SLIT1: variants seen among roughly 807,000 people sequenced by gnomAD.
The protein encoded by SLIT1 is slit guidance ligand 1, also known as slit homolog 1 protein.
Under a neutral mutation model 186.1 loss-of-function variants are expected in SLIT1, and 66 were observed. The ratio of observed to expected loss-of-function variants is 0.35; its 90% confidence interval spans 0.29 to 0.44. The LOEUF (loss-of-function observed/expected upper bound fraction) is 0.44. SLIT1 is among the 20% of genes least tolerant of loss of function. The pLI, the probability that SLIT1 is intolerant of heterozygous loss-of-function variation, is 1.00. For synonymous variants in SLIT1, 761 were observed against 833.8 expected (o/e 0.91, Z 1.50); for missense variants, 1,638 against 2,037.4 (o/e 0.80, Z 3.77).
intron 17 of SLIT1, 21 bp from the exon 18 acceptor site, chr10:97,046,818 A>T (rs1455426380): frequency 2.5e-6 from 4 of 1,606,698 alleles, no homozygotes; most frequent in Non-Finnish European, 3.4e-6. Flanking sequence ...AGGCGGGGGG[A>T]GGATTACATA....
intron 30 of SLIT1, among the ~76,000 whole-genome samples, chr10:97,012,613 A>G (rs1317941574): frequency 6.6e-6 from 1 of 152,200 alleles, no homozygotes; most frequent in Non-Finnish European, 1.5e-5. Context: ...ATGCTGCCCA[A>G]TCTGCCACTG....
In SLIT1 at chr10:97,060,760, G is replaced by T. The variant is rs780559826; in HGVS notation, c.821C>A (p.Thr274Asn). 1 of 1,611,038 alleles carries T rather than the reference G, an allele frequency of 6.2e-7. No individual in the cohort carries two copies. The highest frequency in any genetic ancestry group is 1.7e-5 in the Admixed American group (1 of 59,734). The change falls in exon 9 of 37, where the codon ACC becomes AAC. Residue 274 changes from threonine (T) to asparagine (N), a missense_variant. This residue lies in a region of SLIT1 where 1,245 missense variants were observed against 1,535.3 expected (regional missense o/e 0.81). Coordinates refer to ENST00000266058, the MANE Select transcript of SLIT1 (RefSeq NM_003061.3). ...SGQGEAGRVP[T>N]CTLSSGSCPA... ...GCAGGAGCCGGAGGACAGGGTGCAG[G>T]TGGGCACGCGCCCCGCTTCTCCCTG...
At chr10:97,140,125 C>T (rs1564685888) in intron 4 of SLIT1, among the ~76,000 whole-genome samples, 1 of 152,146 alleles carries the variant, frequency 6.6e-6, no homozygotes, top group Non-Finnish European at 1.5e-5. Context: ...ACATCTCTGG[C>T]TCTGACCATG....
At chr10:97,034,353 C>T (rs1444267085) in intron 23 of SLIT1, 118 bp downstream of exon 23, 17 of 776,578 alleles carry the variant, frequency 2.2e-5, no homozygotes, top group Non-Finnish European at 3.3e-5. Flanking sequence ...GGCACCCTCT[C>T]CAGAGGGCAA....
At chr10:97,048,584 A>C in intron 14 of SLIT1, among the ~76,000 whole-genome samples, 1 of 152,222 alleles carries the variant, frequency 6.6e-6, no homozygotes, top group East Asian at 1.9e-4. Context: ...GTGGGACTGA[A>C]CTACCATTCA....
At position 97,130,837 on chromosome 10, in the gene SLIT1, G is replaced by T. The variant is rs150579770; in HGVS notation, c.413+26981C>A. On this transcript the variant is annotated intron_variant, in intron 4 of 36. Transcript: ENST00000266058. ...CACCAGCACCGCTATTGTTTTTGAT[G>T]GGGGAGGGGGTTGCCATTCGGTCCA... is the stretch of plus-strand genomic sequence containing the variant. Among the ~76,000 whole-genome samples, 169 of 152,322 alleles carry T rather than the reference G, an allele frequency of 1.1e-3. 1 individual carries two copies. The highest frequency in any genetic ancestry group is 3.8e-3 in the African/African-American group (157 of 41,570).
At chr10:97,137,077 T>C (rs1204145094) in intron 4 of SLIT1, among the ~76,000 whole-genome samples, 1 of 152,208 alleles carries the variant, frequency 6.6e-6, no homozygotes, top group Non-Finnish European at 1.5e-5. Context: ...AAAAGGAAGC[T>C]GTTTGCAGAT....
At chr10:97,080,485 C>T (rs1156244021) in intron 4 of SLIT1, among the ~76,000 whole-genome samples, 6 of 152,194 alleles carry the variant, frequency 3.9e-5, no homozygotes, top group Non-Finnish European at 8.8e-5. Context: ...TCTTTGTTTC[C>T]TTTAACAGTT....
chr10:97,133,469 G>C (rs1441120867), intron 4 of SLIT1, among the ~76,000 whole-genome samples: 1 of 152,228 alleles, frequency 6.6e-6, no homozygotes. Context: ...CAAATTTATA[G>C]AGACAGAAAG....
intron 20 of SLIT1, among the ~76,000 whole-genome samples, chr10:97,041,874 G>A (rs571704218): frequency 3.9e-5 from 6 of 152,160 alleles, no homozygotes; most frequent in South Asian, 4.1e-4. Context: ...AAAGGAAACC[G>A]TATCTTGGAA....
intron 4 of SLIT1, among the ~76,000 whole-genome samples, chr10:97,117,090 T>G (rs1849516189): frequency 6.6e-6 from 1 of 152,186 alleles, no homozygotes; most frequent in Admixed American, 6.5e-5. Flanking sequence ...ATACCTTGCT[T>G]CATAGAGAGA....
At chr10:97,162,987 C>T (rs1321999651) in intron 3 of SLIT1, among the ~76,000 whole-genome samples, 1 of 152,218 alleles carries the variant, frequency 6.6e-6, no homozygotes, top group African/African-American at 2.4e-5. Flanking sequence ...ACCAATCCCC[C>T]GGGGCTTCCC....
At chr10:97,046,626 A>G (rs756345344) in intron 18 of SLIT1, 28 bp downstream of exon 18, 5 of 1,577,266 alleles carry the variant, frequency 3.2e-6, no homozygotes, top group Non-Finnish European at 4.3e-6. Context: ...CAGCTGGCCC[A>G]CCCTGCTCCC....
At chr10:97,072,303 C>T (rs779238798) in intron 4 of SLIT1, among the ~76,000 whole-genome samples, 32 of 152,158 alleles carry the variant, frequency 2.1e-4, no homozygotes. Context: ...GGACTACAGG[C>T]GCATGCTACC....
At chr10:97,034,615 C>A in intron 22 of SLIT1, 73 bp from the exon 23 acceptor site, 1 of 1,336,204 alleles carries the variant, frequency 7.5e-7, no homozygotes, top group South Asian at 1.2e-5. Flanking sequence ...GGCTTCTTCC[C>A]CTCCCTCACT....
At chr10:97,046,114 A>C (rs1247844699) in intron 18 of SLIT1, among the ~76,000 whole-genome samples, 1 of 152,216 alleles carries the variant, frequency 6.6e-6, no homozygotes, top group Non-Finnish European at 1.5e-5. Flanking sequence ...GATCATCTGA[A>C]GAGCCAGCCC....
At chr10:97,177,675 T>C (rs182973329) in intron 1 of SLIT1, among the ~76,000 whole-genome samples, 74 of 152,050 alleles carry the variant, frequency 4.9e-4, no homozygotes, top group African/African-American at 1.7e-3. Context: ...TATGAAACCA[T>C]AAAAAAAGAA....
chr10:97,017,904 A>C (rs1329886888), intron 28 of SLIT1, among the ~76,000 whole-genome samples: 1 of 147,994 alleles, frequency 6.8e-6, no homozygotes, highest in Non-Finnish European at 1.5e-5. Context: ...GCTGGAGTGC[A>C]GTGGAATGAT....
At chr10:97,122,566 TGTGA>T (rs1564681264) in intron 4 of SLIT1, among the ~76,000 whole-genome samples, 1 of 152,078 alleles carries the variant, frequency 6.6e-6, no homozygotes, top group African/African-American at 2.4e-5. Context: ...TGTGAGTGTG[TGTGA>T]GTGTGTTACA....
Sources: allele counts gnomAD v4.1 joint callset (sites outside exome capture counted in the v4.1 genomes callset), GRCh38; gene constraint gnomAD v4.1.1; regional missense constraint gnomAD v4.1.1; transcripts MANE v1.5; gene names NCBI Gene and HGNC (gene_info 2026-07-23, HGNC 2026-07-21).